The following L3HYPDH variants were observed in gnomAD, a reference collection of about 807,000 sequenced individuals.
L3HYPDH encodes the protein trans-3-hydroxy-L-proline dehydratase.
L3HYPDH carries 32 observed loss-of-function variants against 26.5 expected under a neutral mutation model. The observed-to-expected ratio is 1.21, with a 90% CI of 0.91 to 1.62. L3HYPDH has a LOEUF of 1.62. Ranked by LOEUF, L3HYPDH falls within the 40% of genes most tolerant of loss-of-function variation. The pLI, the probability that L3HYPDH is intolerant of heterozygous loss-of-function variation, is 0.00. For synonymous variants in L3HYPDH, 215 were observed against 196.6 expected (o/e 1.09, Z -0.78); for missense variants, 554 against 476.4 (o/e 1.16, Z -1.52).
upstream of L3HYPDH, among the ~76,000 whole-genome samples, chr14:59,488,077 A>C (rs183705874): frequency 6.6e-6 from 1 of 152,132 alleles, no homozygotes; most frequent in African/African-American, 2.4e-5. Flanking sequence ...CTTCTCAACT[A>C]TAATCCTTAT....
At chr14:59,469,980 A>G (rs1889272938), downstream of L3HYPDH, among the ~76,000 whole-genome samples, 1 of 152,224 alleles carries the variant, frequency 6.6e-6, no homozygotes, top group Admixed American at 6.5e-5. Flanking sequence ...TAAGAAGCAG[A>G]TAAAGAAAGC....
At chr14:59,476,972 C>T (rs1008903976) in intron 2 of L3HYPDH, among the ~76,000 whole-genome samples, 8 of 152,136 alleles carry the variant, frequency 5.3e-5, no homozygotes, top group African/African-American at 1.9e-4. Flanking sequence ...TCTGACTTCC[C>T]TTGTATATGC....
chr14:59,478,011 C>G (rs1279176525), intron 2 of L3HYPDH, among the ~76,000 whole-genome samples: 1 of 152,102 alleles, frequency 6.6e-6, no homozygotes, highest in African/African-American at 2.4e-5. Flanking sequence ...ATCAAATTAG[C>G]TTTCCCAAGT....
At chr14:59,495,035 A>G in the L3HYPDH span, 1 of 1,613,748 alleles carries the variant, frequency 6.2e-7, no homozygotes, top group East Asian at 2.2e-5. Context: ...GCACTTTTCC[A>G]ACACATCACT....
the L3HYPDH span, chr14:59,504,280 A>C: frequency 1.8e-6 from 1 of 547,858 alleles, no homozygotes; most frequent in South Asian, 2.5e-5. Flanking sequence ...ACACAGGGTA[A>C]TATTATCTGC....
chr14:59,492,366 G>A, the L3HYPDH span, among the ~76,000 whole-genome samples: 1 of 152,154 alleles, frequency 6.6e-6, no homozygotes, highest in African/African-American at 2.4e-5. Flanking sequence ...TGGAAAATCA[G>A]GTGCAAGAAG....
the L3HYPDH span, among the ~76,000 whole-genome samples, chr14:59,500,458 T>C: frequency 3.2e-4 from 48 of 152,246 alleles, 1 homozygote; most frequent in Non-Finnish European, 2.9e-5. Context: ...AGAAAAGTGG[T>C]GTTTTAGAGG....
At chr14:59,502,855 G>A in the L3HYPDH span, among the ~76,000 whole-genome samples, 4 of 141,238 alleles carry the variant, frequency 2.8e-5, no homozygotes, top group African/African-American at 1.0e-4. Flanking sequence ...GGGTTCAAGT[G>A]ATTCTCCTGC....
upstream of L3HYPDH, chr14:59,487,884 T>C: frequency 6.9e-7 from 1 of 1,459,836 alleles, no homozygotes; most frequent in Non-Finnish European, 9.6e-7. Context: ...TAATTATCAC[T>C]CAGAAGACCT....
upstream of L3HYPDH, chr14:59,487,770 G>T (rs1890689972): frequency 6.2e-7 from 1 of 1,613,460 alleles, no homozygotes; most frequent in South Asian, 1.1e-5. Flanking sequence ...TGGATTTATG[G>T]CAATGCTTCC....
chr14:59,498,666 C>A, the L3HYPDH span: 3 of 911,134 alleles, frequency 3.3e-6, no homozygotes, highest in East Asian at 2.8e-5. Context: ...TAAAAATGAT[C>A]AAGATTAAAA....
At chr14:59,485,115 T>A, upstream of L3HYPDH, 1 of 1,598,416 alleles carries the variant, frequency 6.3e-7, no homozygotes, top group Non-Finnish European at 8.5e-7. Flanking sequence ...GGGTTTTGCT[T>A]AGTAAGTGAT....
At chr14:59,467,133 AT>A (rs1203676202) in intron 1 of L3HYPDH, among the ~76,000 whole-genome samples, 1 of 152,244 alleles carries the variant, frequency 6.6e-6, no homozygotes, top group Non-Finnish European at 1.5e-5. Flanking sequence ...AGTGTGCTAA[AT>A]ATTGTCTTAA....
downstream of L3HYPDH, among the ~76,000 whole-genome samples, chr14:59,472,363 T>G (rs1374118089): frequency 1.3e-5 from 2 of 152,250 alleles, no homozygotes; most frequent in African/African-American, 4.8e-5. Context: ...TGATTACTAG[T>G]TGGTCTTCTC....
chr14:59,484,390 G>A lies in L3HYPDH; in HGVS notation c.-74C>T. ...CCCGACCCTCACCCACTGACTCCGC[G>A]GGAGGAGGGCGGGACGCTAACCAGC... is the stretch of plus-strand genomic sequence containing the variant. On this transcript the variant is annotated 5_prime_UTR_variant, in exon 1 of 5. Coordinates refer to ENST00000247194, the MANE Select transcript of L3HYPDH (RefSeq NM_144581.2). 4.1e-6 allele frequency: 6 copies of A among 1,472,366 alleles called. No homozygotes were observed. The highest frequency in any genetic ancestry group is 5.5e-6 in the Non-Finnish European group (6 of 1,091,030). 91.2% of individuals were successfully genotyped at this position (1,472,366 alleles called of 1,614,324 possible).
At chr14:59,470,965 GGGA>G (rs1371449066), downstream of L3HYPDH, among the ~76,000 whole-genome samples, 346 of 127,282 alleles carry the variant, frequency 2.7e-3, 5 homozygotes, top group African/African-American at 9.2e-3. Flanking sequence ...CGGGGGGGGG[GGGA>G]GGGCAGGAGA....
chr14:59,504,063 T>C, the L3HYPDH span: 11 of 1,608,328 alleles, frequency 6.8e-6, no homozygotes, highest in East Asian at 2.2e-4. Context: ...AAGGAGCCAA[T>C]GGACACTGAG....
chr14:59,483,765 C>T, intron 1 of L3HYPDH, 44 bp downstream of exon 1: 1 of 1,578,600 alleles, frequency 6.3e-7, no homozygotes, highest in Non-Finnish European at 8.5e-7. Context: ...TAGTCGCGTC[C>T]CGGTTGCAGC....
chr14:59,504,223 GT>G, the L3HYPDH span: 2 of 619,312 alleles, frequency 3.2e-6, no homozygotes, highest in African/African-American at 3.7e-5. Context: ...TTTGTTTATG[GT>G]TAGACTTACA....
Sources: allele counts gnomAD v4.1 joint callset (sites outside exome capture counted in the v4.1 genomes callset), GRCh38; gene constraint gnomAD v4.1.1; transcripts MANE v1.5; gene names NCBI Gene and HGNC (gene_info 2026-07-23, HGNC 2026-07-21).